Variants in CLASP1 observed in about 807,000 individuals in gnomAD.
CLASP1 encodes the protein cytoplasmic linker associated protein 1, also known as CLIP-associating protein 1.
In CLASP1, 38 loss-of-function variants were observed where a neutral mutation model predicts 192.3. The observed-to-expected ratio is 0.20, with a 90% CI of 0.15 to 0.26. CLASP1 has a LOEUF of 0.26. CLASP1 is among the 10% of genes least tolerant of loss of function. The pLI is 1.00. For synonymous variants in CLASP1, 691 were observed against 712.8 expected, an observed-to-expected ratio of 0.97 and a Z score of 0.49; for missense variants, 1,433 against 1,932.5, an observed-to-expected ratio of 0.74 and a Z score of 4.85.
At chr2:121,581,898 A>C (rs1331962782) in intron 2 of CLASP1, among the ~76,000 whole-genome samples, 3 of 151,432 alleles carry the variant, frequency 2.0e-5, no homozygotes, top group Non-Finnish European at 2.9e-5. Flanking sequence ...AAAGAAAAGA[A>C]AAGTCCAGGC....
chr2:121,442,231 A>C (rs1255831408), intron 19 of CLASP1, among the ~76,000 whole-genome samples: 1 of 152,218 alleles, frequency 6.6e-6, no homozygotes, highest in Non-Finnish European at 1.5e-5. Flanking sequence ...AACATAAAAG[A>C]CATTATGTTT....
chr2:121,382,299 C>A, exon 33 of CLASP1: 1 of 1,585,924 alleles, frequency 6.3e-7, no homozygotes, highest in Non-Finnish European at 8.6e-7. Context: ...TTCGCTAACC[C>A]GTCGGCACTC....
chr2:121,527,768 C>T (rs1454411862), intron 5 of CLASP1, 31 bp downstream of exon 5: 8 of 1,505,384 alleles, frequency 5.3e-6, no homozygotes, highest in South Asian at 3.5e-5. Context: ...AATTCAGCCA[C>T]GTAAAAATGT....
chr2:121,478,818 CACA>C (rs1398763040), intron 8 of CLASP1, among the ~76,000 whole-genome samples: 5 of 41,948 alleles, frequency 1.2e-4, no homozygotes, highest in South Asian at 6.8e-4. Context: ...ACACCCCACA[CACA>C]ACCACACACC....
intron 23 of CLASP1, among the ~76,000 whole-genome samples, chr2:121,412,610 A>G (rs905820633): frequency 2.0e-5 from 3 of 152,192 alleles, no homozygotes; most frequent in African/African-American, 7.2e-5. Context: ...TAAAAAAAAA[A>G]ATCTCATGCC....
At chr2:121,343,866 T>G (rs1309169006) in intron 39 of CLASP1, among the ~76,000 whole-genome samples, 1 of 151,934 alleles carries the variant, frequency 6.6e-6, no homozygotes, top group African/African-American at 2.4e-5. Context: ...AGGTCGAGAG[T>G]TCGAGACCAG....
intron 8 of CLASP1, among the ~76,000 whole-genome samples, chr2:121,484,080 C>T (rs2092806340): frequency 6.6e-6 from 1 of 152,140 alleles, no homozygotes; most frequent in Admixed American, 6.5e-5. Flanking sequence ...AGGTTTCAAG[C>T]AAGTGTATTT....
intron 19 of CLASP1, among the ~76,000 whole-genome samples, chr2:121,440,450 A>T (rs907153181): frequency 3.9e-5 from 6 of 152,256 alleles, no homozygotes; most frequent in Admixed American, 6.5e-5. Flanking sequence ...CTGTAATCCC[A>T]GCACTTTGGG....
chr2:121,581,367 C>T (rs540953354), intron 2 of CLASP1, among the ~76,000 whole-genome samples: 2 of 146,702 alleles, frequency 1.4e-5, no homozygotes, highest in East Asian at 4.1e-4. Context: ...CTCCGCTTCC[C>T]GGGTTCACGC....
At chr2:121,345,172 C>T (rs527778812) in intron 39 of CLASP1, among the ~76,000 whole-genome samples, 1 of 152,074 alleles carries the variant, frequency 6.6e-6, no homozygotes, top group African/African-American at 2.4e-5. Flanking sequence ...AAAAACTTAA[C>T]GGCTGGATGA....
At chr2:121,460,474 C>A (rs1350808436) in intron 11 of CLASP1, among the ~76,000 whole-genome samples, 1 of 152,122 alleles carries the variant, frequency 6.6e-6, no homozygotes. Flanking sequence ...AAGCTTACCT[C>A]CCCGCGACAC....
exon 40 of CLASP1, chr2:121,340,174 G>A (rs990030800): frequency 2.6e-5 from 4 of 152,212 alleles, no homozygotes; most frequent in Admixed American, 6.5e-5. Context: ...CTGGGGTAGG[G>A]ACCTTGTCGG....
chr2:121,599,546 C>T (rs1326065637), intron 2 of CLASP1, among the ~76,000 whole-genome samples: 1 of 143,464 alleles, frequency 7.0e-6, no homozygotes, highest in African/African-American at 2.7e-5. Flanking sequence ...CTAGATTGCA[C>T]CACTGCACTC....
At chr2:121,469,182 C>T (rs945663571) in intron 9 of CLASP1, among the ~76,000 whole-genome samples, 1 of 152,110 alleles carries the variant, frequency 6.6e-6, no homozygotes, top group Non-Finnish European at 1.5e-5. Flanking sequence ...TAGAGAAATA[C>T]AGGCCTTCCA....
intron 1 of CLASP1, among the ~76,000 whole-genome samples, chr2:121,646,544 T>C (rs1205557868): frequency 6.6e-6 from 1 of 152,246 alleles, no homozygotes; most frequent in African/African-American, 2.4e-5. Flanking sequence ...CAGTTGAATC[T>C]AACATTTGTA....
intron 1 of CLASP1, among the ~76,000 whole-genome samples, chr2:121,641,104 T>A (rs1164617880): frequency 6.6e-6 from 1 of 152,184 alleles, no homozygotes; most frequent in Non-Finnish European, 1.5e-5. Context: ...AAAGACTGGC[T>A]TATTGTTCCA....
intron 2 of CLASP1, among the ~76,000 whole-genome samples, chr2:121,531,549 T>A (rs1234809649): frequency 7.1e-6 from 1 of 140,700 alleles, no homozygotes; most frequent in African/African-American, 2.8e-5. Context: ...TGAGCAGAGA[T>A]CGCGCCACTG....
rs575771297 is a variant in CLASP1 at position 121,628,478 on chromosome 2, C to T, written c.-286+20894G>A. Among the ~76,000 whole-genome samples, 12 of 152,118 alleles carry T rather than the reference C, an allele frequency of 7.9e-5. No individual in the cohort carries two copies. The South Asian group carries it at 2.5e-3, about 32-fold the overall frequency. On this transcript the variant is annotated intron_variant, in intron 1 of 39. Coordinates refer to ENST00000263710, the Ensembl canonical transcript of CLASP1. Reference sequence around the variant, plus strand: ...ATCACTTGAGGCTAGGAATTCGAGACCAGCCTTGCCAACATGGTGAAACCC... The same window carrying T: ...ATCACTTGAGGCTAGGAATTCGAGATCAGCCTTGCCAACATGGTGAAACCC...
At chr2:121,625,413 A>ATTTTCT (rs1366758484) in intron 1 of CLASP1, among the ~76,000 whole-genome samples, 2 of 141,506 alleles carry the variant, frequency 1.4e-5, no homozygotes, top group Non-Finnish European at 3.1e-5. Context: ...AGCTTGAGAG[A>ATTTTCT]TTTTCTTTCT....
Sources: allele counts gnomAD v4.1 joint callset (sites outside exome capture counted in the v4.1 genomes callset), GRCh38; gene constraint gnomAD v4.1.1; transcripts MANE v1.5; gene names NCBI Gene and HGNC (gene_info 2026-07-23, HGNC 2026-07-21).